Variants in SIPA1L1 observed in about 807,000 individuals in gnomAD.
SIPA1L1 encodes the protein signal induced proliferation associated 1 like 1.
A neutral mutation model predicts 162.7 loss-of-function variants in SIPA1L1; 26 were observed. The ratio of observed to expected loss-of-function variants is 0.16; its 90% CI spans 0.12 to 0.22. The LOEUF is 0.22. SIPA1L1 is among the 10% of genes least tolerant of loss of function. SIPA1L1 has a pLI of 1.00. For synonymous variants in SIPA1L1, 829 were observed against 837.4 expected (o/e 0.99, Z 0.17); for missense variants, 1,874 against 2,241.0 (o/e 0.84, Z 3.31).
intron 4 of SIPA1L1, among the ~76,000 whole-genome samples, chr14:71,557,945 A>G (rs1253254265): frequency 6.6e-6 from 1 of 152,214 alleles, no homozygotes; most frequent in Non-Finnish European, 1.5e-5. Flanking sequence ...ATCGTAGGTA[A>G]TTATTAAGTG....
intron 4 of SIPA1L1, among the ~76,000 whole-genome samples, chr14:71,534,280 T>C (rs1193183774): frequency 2.0e-5 from 3 of 152,168 alleles, no homozygotes; most frequent in Admixed American, 6.6e-5. Flanking sequence ...AATAATTGGG[T>C]CATTAGCCAA....
At chr14:71,562,144 T>G (rs1418539806) in intron 4 of SIPA1L1, among the ~76,000 whole-genome samples, 1 of 151,868 alleles carries the variant, frequency 6.6e-6, no homozygotes, top group Non-Finnish European at 1.5e-5. Context: ...ATTGTCTCAA[T>G]CTATGTGCCT....
chr14:71,361,019 AT>A (rs1025785039), intron 2 of SIPA1L1, among the ~76,000 whole-genome samples: 2 of 151,382 alleles, frequency 1.3e-5, no homozygotes, highest in African/African-American at 2.4e-5. Context: ...GTTTATATAT[AT>A]TTTTTTTTCC....
chr14:71,601,552 C>CT (rs1373305698), intron 5 of SIPA1L1, among the ~76,000 whole-genome samples: 3 of 152,016 alleles, frequency 2.0e-5, no homozygotes, highest in Non-Finnish European at 4.4e-5. Context: ...CTGCAGTTTT[C>CT]TTTTTTTGTT....
intron 2 of SIPA1L1, among the ~76,000 whole-genome samples, chr14:71,496,091 A>T (rs955089509): frequency 6.7e-6 from 1 of 149,990 alleles, no homozygotes; most frequent in Non-Finnish European, 1.5e-5. Flanking sequence ...AAAAAAAGCT[A>T]TAAAATTGTC....
intron 2 of SIPA1L1, among the ~76,000 whole-genome samples, chr14:71,358,294 T>C (rs1218194872): frequency 1.3e-5 from 2 of 152,228 alleles, no homozygotes; most frequent in Non-Finnish European, 2.9e-5. Flanking sequence ...GCATACCTAA[T>C]TGAAGTTGTA....
chr14:71,632,639 C>G (rs1429473969), intron 7 of SIPA1L1, among the ~76,000 whole-genome samples: 1 of 152,144 alleles, frequency 6.6e-6, no homozygotes, highest in Non-Finnish European at 1.5e-5. Flanking sequence ...TTTTTGCACA[C>G]CCAGCAATAA....
chr14:71,439,102 A>C (rs1000048742), intron 2 of SIPA1L1, among the ~76,000 whole-genome samples: 31 of 152,260 alleles, frequency 2.0e-4, no homozygotes, highest in Non-Finnish European at 2.8e-4. Flanking sequence ...TCATCACTCT[A>C]ACCCAGGAAG....
chr14:71,580,296 CAGA>C (rs997711817), intron 4 of SIPA1L1, among the ~76,000 whole-genome samples: 6 of 152,082 alleles, frequency 3.9e-5, no homozygotes, highest in Non-Finnish European at 8.8e-5. Flanking sequence ...CTCAATCCTG[CAGA>C]AGGAGGACTG....
chr14:71,500,047 G>C (rs1306369135), intron 2 of SIPA1L1, among the ~76,000 whole-genome samples: 1 of 152,034 alleles, frequency 6.6e-6, no homozygotes, highest in Non-Finnish European at 1.5e-5. Flanking sequence ...GCTAATATTA[G>C]TTGAATTAGT....
Position 71,741,120 on chromosome 14 carries a change from A to C in SIPA1L1, c.*1959A>C, listed in dbSNP as rs1455496108. The C allele has an allele frequency of 6.6e-6, 1 of 152,120 alleles. No individual in the cohort carries two copies. The highest frequency in any genetic ancestry group is 1.5e-5 in the Non-Finnish European group (1 of 68,010). 9.4% of individuals were successfully genotyped at this position (152,120 alleles called of 1,614,324 possible). ...ACTCATTGACCCTCCTTGCATCCGA[A>C]TTTTTTCATCAAGCTTTGTTAACAC... On this transcript the variant is annotated 3_prime_UTR_variant, in exon 24 of 24. Transcript: ENST00000381232.
At chr14:71,438,701 G>C (rs1029944955) in intron 2 of SIPA1L1, among the ~76,000 whole-genome samples, 1 of 131,850 alleles carries the variant, frequency 7.6e-6, no homozygotes, top group African/African-American at 2.9e-5. Flanking sequence ...CTCCACATCA[G>C]GTTGAAGGGG....
intron 2 of SIPA1L1, among the ~76,000 whole-genome samples, chr14:71,426,478 ATTTC>A (rs2043570668): frequency 7.3e-6 from 1 of 136,926 alleles, no homozygotes; most frequent in Non-Finnish European, 1.6e-5. Flanking sequence ...CCTAATTTGA[ATTTC>A]TTTCTTTTTT....
chr14:71,437,196 C>G (rs1280444532), intron 2 of SIPA1L1, among the ~76,000 whole-genome samples: 1 of 151,992 alleles, frequency 6.6e-6, no homozygotes, highest in Non-Finnish European at 1.5e-5. Flanking sequence ...TTCTCATCTG[C>G]TTTTAAAAAA....
chr14:71,430,809 A>G (rs2043932088), intron 2 of SIPA1L1, among the ~76,000 whole-genome samples: 1 of 152,150 alleles, frequency 6.6e-6, no homozygotes, highest in Admixed American at 6.6e-5. Context: ...CCACCTGTCA[A>G]GTCACCTTGC....
chr14:71,393,263 T>C (rs2040910196), intron 2 of SIPA1L1, among the ~76,000 whole-genome samples: 1 of 152,190 alleles, frequency 6.6e-6, no homozygotes, highest in African/African-American at 2.4e-5. Context: ...AAACACATCT[T>C]AGGTCTAAAA....
intron 2 of SIPA1L1, among the ~76,000 whole-genome samples, chr14:71,496,626 C>T (rs1452518535): frequency 6.6e-6 from 1 of 152,156 alleles, no homozygotes; most frequent in Non-Finnish European, 1.5e-5. Context: ...GTTAATTATA[C>T]TGTCTAGTGT....
rs553945651 is a variant in SIPA1L1 at position 71,447,183 on chromosome 14, G to A, written c.-464-65560G>A. On this transcript the variant is annotated intron_variant, in intron 2 of 23. Coordinates refer to ENST00000381232, the MANE Select transcript of SIPA1L1 (RefSeq NM_001386936.1). Reference sequence around the variant, plus strand: ...CCTGCCTTAGCCTCCCAAAGTGTTGGCATTACAGGCATGAGCCACCACGCT... The same window carrying A: ...CCTGCCTTAGCCTCCCAAAGTGTTGACATTACAGGCATGAGCCACCACGCT... 1.8e-4 allele frequency among the ~76,000 whole-genome samples: 28 copies of A among 151,858 alleles called. No homozygotes were observed. In the East Asian group the frequency reaches 3.7e-3, roughly 20 times the overall value.
chr14:71,334,172 G>A (rs760358152), intron 2 of SIPA1L1, among the ~76,000 whole-genome samples: 4 of 152,172 alleles, frequency 2.6e-5, no homozygotes, highest in Non-Finnish European at 5.9e-5. Flanking sequence ...AGGTCTGTCA[G>A]TCTTCATGAG....
Sources: gnomAD v4.1 joint callset for allele counts (sites outside exome capture counted in the v4.1 genomes callset) on GRCh38, gnomAD v4.1.1 for gene constraint, MANE v1.5 for transcripts, NCBI Gene and HGNC (gene_info 2026-07-23, HGNC 2026-07-21) for gene names.